The following ELAVL4 variants were observed in gnomAD, a reference collection of about 807,000 sequenced individuals.
ELAVL4 encodes the protein ELAV-like protein 4.
ELAVL4 carries 1 observed loss-of-function variant against 35.6 expected under a neutral mutation model. The observed-to-expected ratio is 0.03, with a 90% CI of 0.01 to 0.13. ELAVL4 has a LOEUF of 0.13. ELAVL4 is among the 10% of genes least tolerant of loss of function. The probability of loss-of-function intolerance (pLI) is 1.00; values close to 1 mark genes in which losing one functional copy is unlikely to be tolerated. For synonymous variants in ELAVL4, 156 were observed against 171.0 expected (o/e 0.91, Z 0.69); for missense variants, 267 against 464.9 (o/e 0.57, Z 3.91).
At chr1:50,079,111 T>C (rs1007855647) in intron 1 of ELAVL4, among the ~76,000 whole-genome samples, 4 of 152,156 alleles carry the variant, frequency 2.6e-5, no homozygotes, top group Admixed American at 6.5e-5. Flanking sequence ...TATTATTTTT[T>C]AGATGGGGTC....
chr1:50,095,308 G>T (rs1251647584), intron 1 of ELAVL4, among the ~76,000 whole-genome samples: 1 of 152,028 alleles, frequency 6.6e-6, no homozygotes. Context: ...GCGTGGGTGT[G>T]GGGTAGGCAT....
At chr1:50,053,110 T>C (rs754191082) in intron 1 of ELAVL4, among the ~76,000 whole-genome samples, 7 of 152,238 alleles carry the variant, frequency 4.6e-5, no homozygotes, top group Non-Finnish European at 7.3e-5. Context: ...ATGTTTCTTT[T>C]AATAGAAATA....
intron 2 of ELAVL4, among the ~76,000 whole-genome samples, chr1:50,172,280 C>G (rs530683315): frequency 1.3e-5 from 2 of 152,168 alleles, no homozygotes; most frequent in Non-Finnish European, 2.9e-5. Flanking sequence ...CAGCTATGCT[C>G]TCAACACTTT....
At chr1:50,171,130 G>T (rs1678929147) in intron 2 of ELAVL4, among the ~76,000 whole-genome samples, 1 of 152,146 alleles carries the variant, frequency 6.6e-6, no homozygotes, top group Admixed American at 6.6e-5. Context: ...AGTAACACTG[G>T]GCTTGCAGGA....
intron 3 of ELAVL4, among the ~76,000 whole-genome samples, chr1:50,178,970 T>G (rs1680570237): frequency 6.6e-6 from 1 of 151,920 alleles, no homozygotes; most frequent in African/African-American, 2.4e-5. Context: ...TTTGCTTTTT[T>G]TTTTTTAAGT....
At chr1:50,052,859 T>C (rs910055601) in intron 1 of ELAVL4, among the ~76,000 whole-genome samples, 1 of 152,234 alleles carries the variant, frequency 6.6e-6, no homozygotes, top group Non-Finnish European at 1.5e-5. Context: ...TAAACTTATG[T>C]TGTGCAAAAA....
At chr1:50,195,535 T>C (rs1345720820) in intron 4 of ELAVL4, 26 bp from the exon 5 acceptor site, 5 of 1,612,574 alleles carry the variant, frequency 3.1e-6, no homozygotes, top group Non-Finnish European at 4.2e-6. Flanking sequence ...GTTCACTCTT[T>C]ACAAAGGCTC....
At chr1:50,111,317 A>G (rs1008204554) in intron 1 of ELAVL4, among the ~76,000 whole-genome samples, 3 of 151,602 alleles carry the variant, frequency 2.0e-5, no homozygotes, top group East Asian at 1.9e-4. Context: ...CTGTGAGACC[A>G]TTTGAAAAAA....
chr1:50,103,964 C>G (rs773507777), upstream of ELAVL4: 32 of 1,613,924 alleles, frequency 2.0e-5, no homozygotes, highest in East Asian at 2.2e-5. Context: ...CTGCCCTAAT[C>G]GACTGAAAAT....
At chr1:50,088,901 G>C (rs531130067) in intron 1 of ELAVL4, among the ~76,000 whole-genome samples, 1 of 136,540 alleles carries the variant, frequency 7.3e-6, no homozygotes, top group Non-Finnish European at 1.6e-5. Flanking sequence ...GGGTGTTTCA[G>C]ATCCATTCAA....
intron 1 of ELAVL4, among the ~76,000 whole-genome samples, chr1:50,066,786 A>G (rs1222402294): frequency 6.6e-6 from 1 of 152,154 alleles, no homozygotes; most frequent in Non-Finnish European, 1.5e-5. Flanking sequence ...AGCATTTTTT[A>G]CTCAGCCTTA....
intron 1 of ELAVL4, among the ~76,000 whole-genome samples, chr1:50,114,554 G>A (rs1667625329): frequency 6.6e-6 from 1 of 152,056 alleles, no homozygotes; most frequent in Non-Finnish European, 1.5e-5. Context: ...AAAAAAGGCT[G>A]GAAGACAAGA....
chr1:50,108,161 T>G (rs1557707439), upstream of ELAVL4, among the ~76,000 whole-genome samples: 1 of 152,170 alleles, frequency 6.6e-6, no homozygotes, highest in Non-Finnish European at 1.5e-5. Flanking sequence ...TCATTCATCA[T>G]CCTCAGTTTT....
chr1:50,115,305 A>G (rs904411571), intron 1 of ELAVL4: 2 of 152,174 alleles, frequency 1.3e-5, no homozygotes, highest in Admixed American at 6.5e-5. Flanking sequence ...TTGAGAAAGC[A>G]GTAGAAGTGT....
At chr1:50,086,856 ACTG>A (rs1435632109) in intron 1 of ELAVL4, among the ~76,000 whole-genome samples, 1 of 151,950 alleles carries the variant, frequency 6.6e-6, no homozygotes, top group East Asian at 1.9e-4. Context: ...AGGAATAGGT[ACTG>A]CTGTAGTGTG....
At chr1:50,170,475 C>T (rs1280854718) in intron 2 of ELAVL4, among the ~76,000 whole-genome samples, 1 of 152,146 alleles carries the variant, frequency 6.6e-6, no homozygotes, top group African/African-American at 2.4e-5. Flanking sequence ...TTTAACTTAG[C>T]CAGAGTCACA....
At chr1:50,048,757 A>C (rs1663205177) in intron 1 of ELAVL4, among the ~76,000 whole-genome samples, 1 of 152,060 alleles carries the variant, frequency 6.6e-6, no homozygotes, top group African/African-American at 2.4e-5. Context: ...TGGACCTGGG[A>C]CTTGGGTATT....
intron 1 of ELAVL4, among the ~76,000 whole-genome samples, chr1:50,095,050 G>A (rs1267665837): frequency 6.6e-6 from 1 of 152,182 alleles, no homozygotes; most frequent in Non-Finnish European, 1.5e-5. Context: ...GGAGGCCTCA[G>A]CAATGGAGAC....
intron 1 of ELAVL4, among the ~76,000 whole-genome samples, chr1:50,056,619 A>G (rs1663686848): frequency 6.6e-6 from 1 of 152,186 alleles, no homozygotes; most frequent in African/African-American, 2.4e-5. Context: ...TGCATTTACT[A>G]TACTATATTT....
Sources: gnomAD v4.1 joint callset for allele counts (sites outside exome capture counted in the v4.1 genomes callset) on GRCh38, gnomAD v4.1.1 for gene constraint, MANE v1.5 for transcripts, NCBI Gene and HGNC (gene_info 2026-07-23, HGNC 2026-07-21) for gene names.